Variants in DIP2B observed in about 807,000 individuals in gnomAD.
DIP2B encodes the protein disco-interacting protein 2 homolog B.
Under a neutral mutation model 198.0 loss-of-function variants are expected in DIP2B, and 76 were observed. That is an observed-to-expected ratio of 0.38 (90% CI 0.32 to 0.46). The LOEUF is 0.46. Among genes scored for constraint, DIP2B ranks in the 20% least tolerant of loss-of-function variants. The pLI is 0.99. For missense variants in DIP2B, 1,559 were observed against 1,978.4 expected, an observed-to-expected ratio of 0.79 and a Z score of 4.02; for synonymous variants, 701 against 739.1, an observed-to-expected ratio of 0.95 and a Z score of 0.84.
intron 1 of DIP2B, among the ~76,000 whole-genome samples, chr12:50,517,891 G>A (rs184372731): frequency 1.8e-4 from 28 of 152,056 alleles, no homozygotes; most frequent in East Asian, 9.6e-4. Flanking sequence ...CTTCTGTTTC[G>A]TTCCAGTTTC....
chr12:50,691,806 G>A (rs1343078466), intron 13 of DIP2B, among the ~76,000 whole-genome samples: 3 of 152,166 alleles, frequency 2.0e-5, no homozygotes, highest in East Asian at 3.9e-4. Context: ...GCTCACGCCT[G>A]TAATCCCAAC....
intron 1 of DIP2B, among the ~76,000 whole-genome samples, chr12:50,569,616 G>A (rs1045495085): frequency 2.0e-5 from 3 of 152,104 alleles, no homozygotes; most frequent in Non-Finnish European, 4.4e-5. Context: ...AGTTAGAGAT[G>A]GTTTAGCCTT....
At chr12:50,671,495 G>A in intron 5 of DIP2B, 97 bp downstream of exon 5, 1 of 1,207,834 alleles carries the variant, frequency 8.3e-7, no homozygotes, top group Non-Finnish European at 1.2e-6. Context: ...TTTTCAGTAT[G>A]GCCTAAAAAA....
At chr12:50,663,565 A>AATAAATAAATAAATAC (rs1340011600) in intron 4 of DIP2B, among the ~76,000 whole-genome samples, 2 of 151,018 alleles carry the variant, frequency 1.3e-5, no homozygotes, top group African/African-American at 4.9e-5. Flanking sequence ...CAAATAAATA[A>AATAAATAAATAAATAC]ATAAATAAAT....
chr12:50,742,419 A>AAAAAAAAAAAC (rs1565888390), intron 37 of DIP2B, among the ~76,000 whole-genome samples: 6 of 77,338 alleles, frequency 7.8e-5, no homozygotes, highest in African/African-American at 1.5e-4. Context: ...AAAAAAAAAA[A>AAAAAAAAAAAC]AAACCACCTC....
chr12:50,578,286 C>G (rs919970504), intron 1 of DIP2B, among the ~76,000 whole-genome samples: 1 of 152,116 alleles, frequency 6.6e-6, no homozygotes, highest in African/African-American at 2.4e-5. Context: ...GGATTATAGG[C>G]GTGAGCCACT....
chr12:50,587,264 T>C (rs533583258), intron 1 of DIP2B, among the ~76,000 whole-genome samples: 3 of 152,302 alleles, frequency 2.0e-5, no homozygotes, highest in Non-Finnish European at 2.9e-5. Context: ...CCTTTTCTCT[T>C]CTGTGAACCT....
chr12:50,707,672 A>G (rs1939538570), intron 21 of DIP2B, among the ~76,000 whole-genome samples: 1 of 152,194 alleles, frequency 6.6e-6, no homozygotes, highest in Admixed American at 6.5e-5. Flanking sequence ...TAAACAGGGC[A>G]ATAGATAACA....
At chr12:50,708,599 G>A (rs567221417) in intron 22 of DIP2B, 37 bp downstream of exon 22, 1 of 1,511,100 alleles carries the variant, frequency 6.6e-7, no homozygotes, top group South Asian at 1.2e-5. Context: ...GGTCAGCGGT[G>A]GCAGCAACCA....
rs1367367061 is a variant in DIP2B at position 50,714,530 on chromosome 12, T to TGCAACATCCTC, written c.2786_2796dup (p.Met933AlafsTer11). The TGCAACATCCTC allele has an allele frequency of 6.2e-7, 1 of 1,614,184 alleles. No homozygotes were observed. The highest frequency in any genetic ancestry group is 8.5e-7 in the Non-Finnish European group (1 of 1,180,014). On this transcript the variant is annotated frameshift_variant, in exon 23 of 38. Coordinates refer to ENST00000301180, the MANE Select transcript of DIP2B (RefSeq NM_173602.3). LOFTEE classifies it high-confidence loss of function. ...CTTTCTGGAGGGATCACTGCATCCT[T>TGCAACATCCTC]GCAACATCCTCATGTGCCCCCATAC...
chr12:50,733,337 G>A (rs762301584), intron 32 of DIP2B, among the ~76,000 whole-genome samples: 21 of 150,342 alleles, frequency 1.4e-4, no homozygotes, highest in Non-Finnish European at 2.2e-4. Flanking sequence ...TTCTTGATGG[G>A]TAAATAACAG....
At position 50,698,347 on chromosome 12, in the gene DIP2B, C is replaced by G. The variant is rs1939355432; in HGVS notation, c.2068C>G (p.Pro690Ala). ...AIRRPGVPGA[P>A]LPGRAILSMN... ...TTTCAGGCCTGGAGTTCCAGGAGCC[C>G]CTTTGCCAGGAAGAGCCATTCTCTC... The change falls in exon 18 of 38, where the codon CCT becomes GCT. Residue 690 changes from proline to alanine, a missense_variant. Coordinates refer to ENST00000301180, the MANE Select transcript of DIP2B (RefSeq NM_173602.3). 6.2e-7 allele frequency: 1 copy of G among 1,612,938 alleles called. No homozygotes were observed. Among genetic ancestry groups the G allele is most frequent in the African/African-American group, 1.3e-5 (1 of 74,972 alleles).
In DIP2B at chr12:50,690,416, T is replaced by C. The variant is rs776054259; in HGVS notation, c.1552-633T>C. Among the ~76,000 whole-genome samples, 9 of 152,160 alleles carry C rather than the reference T, an allele frequency of 5.9e-5. No homozygotes were observed. The South Asian group carries it at 6.2e-4, about 11-fold the overall frequency. ...TTTTTTAAAGTTGAACTGGGCACAGTGGCATATGCCTGTAGTTCCAGCTAC... is the reference window on the plus strand; with the variant it reads ...TTTTTTAAAGTTGAACTGGGCACAGCGGCATATGCCTGTAGTTCCAGCTAC... On this transcript the variant is annotated intron_variant, in intron 12 of 37. Coordinates refer to ENST00000301180, the MANE Select transcript of DIP2B (RefSeq NM_173602.3).
intron 1 of DIP2B, among the ~76,000 whole-genome samples, chr12:50,600,190 A>G (rs1229351698): frequency 6.6e-6 from 1 of 152,222 alleles, no homozygotes; most frequent in African/African-American, 2.4e-5. Flanking sequence ...CTGCCCCCTC[A>G]GTCTTTATAG....
intron 1 of DIP2B, among the ~76,000 whole-genome samples, chr12:50,505,842 A>G (rs1336187463): frequency 1.3e-5 from 2 of 151,192 alleles, no homozygotes; most frequent in Non-Finnish European, 2.9e-5. Flanking sequence ...CTGCTTTTAG[A>G]CCACCTTTGT....
intron 14 of DIP2B, 142 bp downstream of exon 14, chr12:50,693,155 C>A: frequency 2.8e-6 from 2 of 724,824 alleles, no homozygotes; most frequent in Non-Finnish European, 4.5e-6. Context: ...GGCTATATAA[C>A]CTTTCCACTG....
chr12:50,614,650 G>A (rs1002922282), intron 1 of DIP2B, among the ~76,000 whole-genome samples: 1 of 151,950 alleles, frequency 6.6e-6, no homozygotes, highest in Admixed American at 6.5e-5. Context: ...GCCCAGAGAC[G>A]TATAGTGGCT....
At chr12:50,541,704 G>A (rs560660172) in intron 1 of DIP2B, among the ~76,000 whole-genome samples, 26 of 152,178 alleles carry the variant, frequency 1.7e-4, no homozygotes, top group African/African-American at 6.0e-4. Context: ...AGACAAACTA[G>A]AAAATATCAT....
At chr12:50,594,166 A>G (rs1958859301) in intron 1 of DIP2B, among the ~76,000 whole-genome samples, 1 of 151,150 alleles carries the variant, frequency 6.6e-6, no homozygotes, top group African/African-American at 2.4e-5. Context: ...CTGGTCTCGA[A>G]TTCCTGAGCT....
Sources: allele counts gnomAD v4.1 joint callset (sites outside exome capture counted in the v4.1 genomes callset), GRCh38; gene constraint gnomAD v4.1.1; transcripts MANE v1.5; gene names NCBI Gene and HGNC (gene_info 2026-07-23, HGNC 2026-07-21).